GALNT13: variants seen among roughly 807,000 people sequenced by gnomAD.
GALNT13 encodes polypeptide N-acetylgalactosaminyltransferase 13, also known as UDP-GalNAc:polypeptide N-acetylgalactosaminyltransferase 13.
In GALNT13, 28 loss-of-function variants were observed where a neutral mutation model predicts 64.2. The observed-to-expected ratio is 0.44, with a 90% CI of 0.32 to 0.60. The LOEUF (loss-of-function observed/expected upper bound fraction) is 0.60, where lower values mean the gene tolerates loss of function less well. GALNT13 is among the 20% of genes least tolerant of loss of function. The probability of loss-of-function intolerance (pLI) is 0.05; values close to 1 mark genes in which losing one functional copy is unlikely to be tolerated. For synonymous variants in GALNT13, 214 were observed against 224.6 expected (o/e 0.95, Z 0.42); for missense variants, 577 against 669.8 (o/e 0.86, Z 1.53).
At position 154,452,542 on chromosome 2, in the gene GALNT13, T is replaced by G. The variant is rs538734967; in HGVS notation, c.*1991T>G. 23 of 152,258 alleles carry G rather than the reference T, an allele frequency of 1.5e-4. No homozygotes were observed. Among genetic ancestry groups the G allele is most frequent in the African/African-American group, 5.5e-4 (23 of 41,556 alleles). The allele number at this position is 152,258 out of a possible 1,614,324, so 9.4% of individuals were successfully genotyped here. ...GCTTTGTTAGTCAAAATGCATGTTA[T>G]GTAGAAAATGGTCAATGGCAAATTT... On this transcript the variant is annotated 3_prime_UTR_variant, in exon 13 of 13. Transcript: ENST00000392825.
At chr2:154,029,279 A>C (rs1698189890) in intron 3 of GALNT13, among the ~76,000 whole-genome samples, 1 of 151,882 alleles carries the variant, frequency 6.6e-6, no homozygotes, top group African/African-American at 2.4e-5. Context: ...CACTCCGAGA[A>C]AGGCAGGAAT....
chr2:153,663,210 A>C, the GALNT13 span, among the ~76,000 whole-genome samples: 7 of 152,190 alleles, frequency 4.6e-5, no homozygotes. Flanking sequence ...AACTTCTATA[A>C]CCACCAAATA....
At chr2:153,995,871 C>T (rs1478482228) in intron 3 of GALNT13, among the ~76,000 whole-genome samples, 2 of 152,158 alleles carry the variant, frequency 1.3e-5, no homozygotes, top group Non-Finnish European at 2.9e-5. Flanking sequence ...ATTCAACTCT[C>T]CACTTCTATG....
At chr2:153,421,656 G>A in the GALNT13 span, 1 of 274,834 alleles carries the variant, frequency 3.6e-6, no homozygotes, top group Non-Finnish European at 7.7e-6. Context: ...GATGCCCCCA[G>A]GCATAGTTAT....
At chr2:153,161,678 A>G in the GALNT13 span, among the ~76,000 whole-genome samples, 1 of 152,118 alleles carries the variant, frequency 6.6e-6, no homozygotes, top group African/African-American at 2.4e-5. Flanking sequence ...TCATGAAGAA[A>G]GTGACTGTGG....
At position 154,076,966 on chromosome 2, in the gene GALNT13, CT is replaced by C. The variant is rs1701021065; in HGVS notation, c.143-63370del. On this transcript the variant is annotated intron_variant, in intron 3 of 12. Transcript: ENST00000392825. ...CGTTTGCAGCATTTCCTAAGGTGGT[CT>C]CTAAAATCTGCTCTATTTTAGCACT... Among the ~76,000 whole-genome samples the C allele has an allele frequency of 3.3e-5, 5 of 151,694 alleles. No homozygotes were observed. In the South Asian group the frequency reaches 1.0e-3, roughly 31 times the overall value.
At chr2:153,073,841 A>G in the GALNT13 span, among the ~76,000 whole-genome samples, 1 of 152,174 alleles carries the variant, frequency 6.6e-6, no homozygotes, top group Non-Finnish European at 1.5e-5. Flanking sequence ...TCTTTAATCT[A>G]CATGTTGCTT....
the GALNT13 span, among the ~76,000 whole-genome samples, chr2:153,259,650 A>T: frequency 3.3e-5 from 5 of 152,228 alleles, no homozygotes; most frequent in South Asian, 1.0e-3. Flanking sequence ...TCCCCTGCAC[A>T]CGGTCTCTTC....
At chr2:154,173,327 T>C (rs1308799399) in intron 4 of GALNT13, among the ~76,000 whole-genome samples, 4 of 151,658 alleles carry the variant, frequency 2.6e-5, no homozygotes, top group African/African-American at 9.7e-5. Flanking sequence ...AAACAAATCA[T>C]TTAATTTGAT....
At chr2:153,178,995 G>C in the GALNT13 span, among the ~76,000 whole-genome samples, 23 of 151,692 alleles carry the variant, frequency 1.5e-4, no homozygotes, top group Non-Finnish European at 3.2e-4. Context: ...CATGCACCTC[G>C]GCCTCCCAAA....
chr2:153,865,410 A>T, the GALNT13 span, among the ~76,000 whole-genome samples: 10 of 142,282 alleles, frequency 7.0e-5, no homozygotes, highest in African/African-American at 2.6e-4. Flanking sequence ...CAGCCTACTC[A>T]TCTGACAAAG....
At chr2:154,272,887 A>G (rs918853045) in intron 8 of GALNT13, among the ~76,000 whole-genome samples, 3 of 152,176 alleles carry the variant, frequency 2.0e-5, no homozygotes, top group African/African-American at 7.2e-5. Context: ...AAAGTAAATA[A>G]CTTGTAAAAA....
At chr2:153,262,977 A>G in the GALNT13 span, among the ~76,000 whole-genome samples, 1 of 152,130 alleles carries the variant, frequency 6.6e-6, no homozygotes, top group African/African-American at 2.4e-5. Context: ...AAAGAAATAA[A>G]TGGTACTCAA....
chr2:154,010,014 C>T (rs1696523113), intron 3 of GALNT13, among the ~76,000 whole-genome samples: 1 of 152,190 alleles, frequency 6.6e-6, no homozygotes, highest in Non-Finnish European at 1.5e-5. Flanking sequence ...GATTTTGTGT[C>T]CTGAAATTTT....
intron 10 of GALNT13, among the ~76,000 whole-genome samples, chr2:154,403,178 G>GC (rs1431298770): frequency 6.6e-6 from 1 of 152,112 alleles, no homozygotes; most frequent in Non-Finnish European, 1.5e-5. Context: ...TTTAGGCCAG[G>GC]CATGGTGGTT....
intron 3 of GALNT13, among the ~76,000 whole-genome samples, chr2:153,951,416 T>C (rs1427461222): frequency 6.6e-6 from 1 of 152,146 alleles, no homozygotes; most frequent in African/African-American, 2.4e-5. Context: ...CAGTATTCCA[T>C]GTATTCTGTG....
At chr2:154,013,489 G>T (rs1696784825) in intron 3 of GALNT13, among the ~76,000 whole-genome samples, 1 of 152,174 alleles carries the variant, frequency 6.6e-6, no homozygotes, top group African/African-American at 2.4e-5. Context: ...AGTCACTGTG[G>T]CCTTGCAGTG....
the GALNT13 span, among the ~76,000 whole-genome samples, chr2:153,441,249 G>T: frequency 6.6e-6 from 1 of 152,184 alleles, no homozygotes; most frequent in African/African-American, 2.4e-5. Flanking sequence ...TCAAAAAACA[G>T]ATGGTTGTAT....
intron 8 of GALNT13, among the ~76,000 whole-genome samples, chr2:154,271,438 A>G (rs1691349680): frequency 6.6e-6 from 1 of 151,992 alleles, no homozygotes. Flanking sequence ...TCCTAGAGTT[A>G]TGAGAAGATA....
Sources: allele counts gnomAD v4.1 joint callset (sites outside exome capture counted in the v4.1 genomes callset), GRCh38; gene constraint gnomAD v4.1.1; transcripts MANE v1.5; gene names NCBI Gene and HGNC (gene_info 2026-07-23, HGNC 2026-07-21).